Variants in PDS5A observed in about 807,000 individuals in gnomAD.
The protein encoded by PDS5A is PDS5 cohesin associated factor A.
Under a neutral mutation model 167.1 loss-of-function variants are expected in PDS5A, and 42 were observed. The observed-to-expected ratio is 0.25, with a 90% CI of 0.20 to 0.33. The LOEUF (loss-of-function observed/expected upper bound fraction) is 0.33. Among genes scored for constraint, PDS5A ranks in the 10% least tolerant of loss-of-function variants. PDS5A has a pLI of 1.00. For synonymous variants in PDS5A, 553 were observed against 554.6 expected (o/e 1.00, Z 0.04); for missense variants, 1,033 against 1,605.9 (o/e 0.64, Z 6.10).
intron 2 of PDS5A, among the ~76,000 whole-genome samples, chr4:39,970,020 G>A (rs185059561): frequency 1.9e-4 from 29 of 150,632 alleles, no homozygotes; most frequent in Admixed American, 1.9e-3. Context: ...ATGCAGTGAT[G>A]TGATCTCGGC....
chr4:39,855,271 G>A (rs75906490), intron 26 of PDS5A, among the ~76,000 whole-genome samples: 3,777 of 152,148 alleles, frequency 0.025, 160 homozygotes, highest in East Asian at 0.18. Context: ...ATAACTTCAA[G>A]GTCTACACAA....
chr4:39,870,176 G>T (rs1237307840), intron 21 of PDS5A, among the ~76,000 whole-genome samples: 1 of 151,852 alleles, frequency 6.6e-6, no homozygotes, highest in African/African-American at 2.4e-5. Context: ...AACAAAAAAA[G>T]AAACTAGATT....
chr4:39,894,083 T>G (rs1560461001), intron 16 of PDS5A, among the ~76,000 whole-genome samples: 1 of 152,336 alleles, frequency 6.6e-6, no homozygotes, highest in East Asian at 1.9e-4. Context: ...ATGAAACTTT[T>G]AAGCGTTTTC....
intron 17 of PDS5A, among the ~76,000 whole-genome samples, chr4:39,885,207 T>C (rs1301446876): frequency 7.5e-6 from 1 of 133,072 alleles, no homozygotes; most frequent in Admixed American, 8.4e-5. Context: ...ATCGTGACAC[T>C]GCACACTCCA....
intron 20 of PDS5A, 74 bp downstream of exon 20, chr4:39,874,215 G>T: frequency 7.8e-7 from 1 of 1,274,966 alleles, no homozygotes; most frequent in Non-Finnish European, 1.1e-6. Flanking sequence ...AAAAAATCTA[G>T]CTTCCATCTT....
At chr4:39,849,781 T>C (rs1284293394) in intron 26 of PDS5A, 129 bp from the exon 27 acceptor site, 6 of 579,674 alleles carry the variant, frequency 1.0e-5, no homozygotes, top group African/African-American at 9.3e-5. Context: ...ATGACTAATA[T>C]ATGTTATTAT....
At chr4:39,971,877 C>A (rs1320993269) in intron 2 of PDS5A, among the ~76,000 whole-genome samples, 1 of 152,056 alleles carries the variant, frequency 6.6e-6, no homozygotes. Flanking sequence ...AACAAAATTT[C>A]AAAAATACTT....
chr4:39,921,480 A>C (rs1188948635), intron 6 of PDS5A, among the ~76,000 whole-genome samples: 1 of 151,944 alleles, frequency 6.6e-6, no homozygotes, highest in Non-Finnish European at 1.5e-5. Context: ...TCATGCCTGT[A>C]ATCTCAGCAC....
At chr4:39,899,493 T>C (rs1189448614) in intron 14 of PDS5A, among the ~76,000 whole-genome samples, 1 of 152,230 alleles carries the variant, frequency 6.6e-6, no homozygotes, top group African/African-American at 2.4e-5. Flanking sequence ...CAGGGTTGAA[T>C]ATCTGACCAC....
At chr4:39,969,632 C>T (rs1379828489) in intron 2 of PDS5A, among the ~76,000 whole-genome samples, 1 of 152,042 alleles carries the variant, frequency 6.6e-6, no homozygotes, top group Non-Finnish European at 1.5e-5. Flanking sequence ...GGCCATTGCA[C>T]TCCAGCCTGG....
chr4:39,913,509 A>G lies in PDS5A; in HGVS notation c.992+102T>C, dbSNP rs1473229602. 3 of 637,484 alleles carry G rather than the reference A, an allele frequency of 4.7e-6. No individual in the cohort carries two copies. In the East Asian group the frequency reaches 7.8e-5, roughly 17 times the overall value. The allele number at this position is 637,484 out of a possible 1,614,324, so 39.5% of individuals were successfully genotyped here. The stretch of plus-strand genomic sequence containing the variant: ...AAACACAGATGACAATGAAACCAAC[A>G]TCTATTAATGAAAGTTTTGATATGT... On this transcript the variant is annotated intron_variant, in intron 9 of 32. Transcript: ENST00000303538.
chr4:39,933,766 G>C (rs528763481), intron 2 of PDS5A, among the ~76,000 whole-genome samples: 1 of 152,046 alleles, frequency 6.6e-6, no homozygotes, highest in African/African-American at 2.4e-5. Flanking sequence ...TAAATATGTC[G>C]TTACTGTGCA....
intron 16 of PDS5A, among the ~76,000 whole-genome samples, chr4:39,894,069 G>A (rs946986325): frequency 6.6e-6 from 1 of 152,192 alleles, no homozygotes; most frequent in African/African-American, 2.4e-5. Context: ...TGCCAAAGAA[G>A]TCAATGAAAC....
chr4:39,922,921 T>C (rs1331009110), intron 5 of PDS5A, among the ~76,000 whole-genome samples, 173 bp from the exon 6 acceptor site: 3 of 152,230 alleles, frequency 2.0e-5, no homozygotes, highest in Non-Finnish European at 1.5e-5. Context: ...TCTATTTTCT[T>C]TCTCCTTTTG....
intron 2 of PDS5A, among the ~76,000 whole-genome samples, chr4:39,951,772 C>A (rs1346318440): frequency 1.3e-5 from 2 of 151,560 alleles, no homozygotes; most frequent in African/African-American, 4.8e-5. Flanking sequence ...TGGTGGCAGG[C>A]GCCTGTAGTC....
chr4:39,872,446 C>T (rs992460241), intron 21 of PDS5A, among the ~76,000 whole-genome samples: 2 of 152,008 alleles, frequency 1.3e-5, no homozygotes, highest in African/African-American at 4.8e-5. Flanking sequence ...GGACGGATCA[C>T]CTGAGGTCAG....
rs1335697482 is a variant in PDS5A, at chr4:39,825,207, T to C, written c.*278A>G. The C allele has an allele frequency of 2.9e-6, 1 of 343,604 alleles. No individual in the cohort carries two copies. Among genetic ancestry groups the C allele is most frequent in the Non-Finnish European group, 5.2e-6 (1 of 191,020 alleles). 21.3% of individuals were successfully genotyped at this position (343,604 alleles called of 1,614,324 possible). ...GAACTGGAACCAAGTGTTAAGCAAT[T>C]TGCTTAATTATTGACTTTTCGTAAG... On this transcript the variant is annotated 3_prime_UTR_variant, in exon 33 of 33. Transcript: ENST00000303538.
At chr4:39,856,520 T>G (rs1384247004) in intron 26 of PDS5A, among the ~76,000 whole-genome samples, 1 of 152,164 alleles carries the variant, frequency 6.6e-6, no homozygotes, top group Non-Finnish European at 1.5e-5. Flanking sequence ...ATACATGATT[T>G]AAAAGGAAAA....
At chr4:39,852,010 T>C (rs1012246252) in intron 26 of PDS5A, among the ~76,000 whole-genome samples, 1 of 152,232 alleles carries the variant, frequency 6.6e-6, no homozygotes, top group Non-Finnish European at 1.5e-5. Context: ...CATTAGTATA[T>C]ACATAAAATA....
Sources: gnomAD v4.1 joint callset for allele counts (sites outside exome capture counted in the v4.1 genomes callset) on GRCh38, gnomAD v4.1.1 for gene constraint, MANE v1.5 for transcripts, NCBI Gene and HGNC (gene_info 2026-07-23, HGNC 2026-07-21) for gene names.